Variants in MARK3 observed in about 807,000 individuals in gnomAD.
MARK3 encodes microtubule affinity regulating kinase 3.
A neutral mutation model predicts 90.1 loss-of-function variants in MARK3; 46 were observed. That is an observed-to-expected ratio of 0.51 (90% CI 0.40 to 0.65). The LOEUF (loss-of-function observed/expected upper bound fraction) is 0.65. Ranked by LOEUF, MARK3 falls within the 30% of genes least tolerant of loss-of-function variation. The pLI, the probability that MARK3 is intolerant of heterozygous loss-of-function variation, is 0.00. For synonymous variants in MARK3, 321 were observed against 332.6 expected (o/e 0.97, Z 0.38); for missense variants, 818 against 947.2 (o/e 0.86, Z 1.79).
At chr14:103,493,240 C>CTTTTTTTTTTTTTTTTTTTTT (rs11437791) in intron 15 of MARK3, among the ~76,000 whole-genome samples, 1 of 123,160 alleles carries the variant, frequency 8.1e-6, no homozygotes, top group African/African-American at 3.0e-5. Flanking sequence ...GGGAGTATTC[C>CTTTTTTTTTTTTTTTTTTTTT]TTTTTTTTTT....
Position 103,453,268 on chromosome 14 carries a change from G to A in MARK3, c.412+1285G>A, listed in dbSNP as rs140095429. Reference sequence around the variant, plus strand: ...GTCTGTGAAGGGCAGAAGCTTTCTTGTTCATCTTTTTGTGTCCCCTGCCTC... The same window carrying A: ...GTCTGTGAAGGGCAGAAGCTTTCTTATTCATCTTTTTGTGTCCCCTGCCTC... On this transcript the variant is annotated intron_variant, in intron 5 of 17. Coordinates refer to ENST00000429436, the MANE Select transcript of MARK3 (RefSeq NM_001128918.3). 2.9e-3 allele frequency among the ~76,000 whole-genome samples: 436 copies of A among 152,268 alleles called. 2 individuals carry two copies. Among genetic ancestry groups the A allele is most frequent in the African/African-American group, 9.5e-3 (393 of 41,550 alleles).
intron 3 of MARK3, among the ~76,000 whole-genome samples, chr14:103,446,188 C>T (rs1048103606): frequency 1.3e-5 from 2 of 152,098 alleles, no homozygotes; most frequent in African/African-American, 4.8e-5. Context: ...GAGAATCTGC[C>T]TGAGACTTAA....
chr14:103,465,445 TAGG>T (rs745667879), intron 7 of MARK3, 109 bp from the exon 8 acceptor site: 27 of 678,846 alleles, frequency 4.0e-5, no homozygotes, highest in Admixed American at 1.0e-4. Context: ...TCACATTAAT[TAGG>T]AGGTAACTTC....
intron 7 of MARK3, among the ~76,000 whole-genome samples, chr14:103,462,861 C>T (rs938082688): frequency 6.6e-6 from 1 of 152,174 alleles, no homozygotes; most frequent in African/African-American, 2.4e-5. Flanking sequence ...CCTCTGCCCT[C>T]ACTCTGGCAT....
chr14:103,498,552 AT>A, intron 16 of MARK3, 24 bp downstream of exon 16: 1 of 1,335,590 alleles, frequency 7.5e-7, no homozygotes. Flanking sequence ...ATACACATTT[AT>A]TTTTCAATCC....
chr14:103,439,070 C>G (rs940356417), intron 3 of MARK3, among the ~76,000 whole-genome samples: 9 of 151,196 alleles, frequency 6.0e-5, no homozygotes, highest in Non-Finnish European at 1.0e-4. Flanking sequence ...TATTACTCAG[C>G]TAAAGCTAAG....
chr14:103,401,681 T>C (rs2140610277), intron 1 of MARK3, among the ~76,000 whole-genome samples: 1 of 152,270 alleles, frequency 6.6e-6, no homozygotes, highest in Middle Eastern at 3.4e-3. Context: ...TGGCTGTCTA[T>C]GCCTAACCTC....
At chr14:103,491,240 A>T (rs1015347473) in intron 14 of MARK3, 1 of 566,406 alleles carries the variant, frequency 1.8e-6, no homozygotes, top group Admixed American at 3.8e-5. Context: ...ATTTTAGTTA[A>T]GCACATCTTT....
intron 2 of MARK3, among the ~76,000 whole-genome samples, chr14:103,418,267 G>A (rs1434992409): frequency 3.4e-5 from 1 of 29,794 alleles, no homozygotes; most frequent in African/African-American, 1.4e-4. Context: ...GTAGATTTTT[G>A]TTCCCTGCAT....
intron 1 of MARK3, among the ~76,000 whole-genome samples, chr14:103,402,763 G>A (rs1435471130): frequency 6.6e-6 from 1 of 152,102 alleles, no homozygotes; most frequent in African/African-American, 2.4e-5. Flanking sequence ...GTGGTCTTCA[G>A]TATGTATGAA....
rs1038492703 is a variant in MARK3 at position 103,491,827 on chromosome 14, G to A, written c.1637G>A (p.Ser546Asn). ...TPVASTHSISSAATPDRIRFP... is the reference protein window; with the variant it reads ...TPVASTHSISNAATPDRIRFP... ...GTTGCTTCAACACACAGTATCAGTA[G>A]TGCAGCCACCCCAGATCGAATCCGC... is the stretch of plus-strand genomic sequence containing the variant. The change falls in exon 15 of 18, where the codon AGT (serine) becomes AAT (asparagine). Residue 546 changes from serine to asparagine, a missense_variant. By Grantham distance (46) the Ser-to-Asn change is conservative. This residue lies in a region of MARK3 where 560 missense variants were observed against 613.5 expected (regional missense o/e 0.91). Coordinates refer to ENST00000429436, the MANE Select transcript of MARK3 (RefSeq NM_001128918.3). 2 of 1,614,030 alleles carry A rather than the reference G, an allele frequency of 1.2e-6. No homozygotes were observed. Among genetic ancestry groups the A allele is most frequent in the African/African-American group, 1.3e-5 (1 of 74,900 alleles).
intron 14 of MARK3, 55 bp downstream of exon 14, chr14:103,480,545 G>T: frequency 9.6e-7 from 1 of 1,046,596 alleles, no homozygotes; most frequent in Non-Finnish European, 1.5e-6. Context: ...AGAAATGGAA[G>T]CATGTTATTT....
At chr14:103,496,186 A>G (rs1404100224) in intron 15 of MARK3, among the ~76,000 whole-genome samples, 1 of 152,236 alleles carries the variant, frequency 6.6e-6, no homozygotes, top group South Asian at 2.1e-4. Context: ...CTCCTCCTGC[A>G]GCTGCCTCCT....
intron 2 of MARK3, among the ~76,000 whole-genome samples, chr14:103,425,564 T>TCC (rs1237954851): frequency 1.3e-5 from 2 of 152,202 alleles, no homozygotes; most frequent in Non-Finnish European, 2.9e-5. Context: ...GACAACTCAG[T>TCC]ATTTATTGAG....
chr14:103,499,069 A>T (rs2075505240), intron 16 of MARK3: 1 of 152,268 alleles, frequency 6.6e-6, no homozygotes, highest in South Asian at 2.1e-4. Flanking sequence ...GCGTAGCAGA[A>T]ATGTTTTAAT....
chr14:103,402,184 G>T (rs1355128344), intron 1 of MARK3, among the ~76,000 whole-genome samples: 2 of 152,310 alleles, frequency 1.3e-5, no homozygotes, highest in South Asian at 4.1e-4. Flanking sequence ...TGGAAGAAGC[G>T]CTAAGGAGTT....
At chr14:103,440,820 G>A (rs1595690578) in intron 3 of MARK3, among the ~76,000 whole-genome samples, 1 of 148,738 alleles carries the variant, frequency 6.7e-6, no homozygotes, top group Admixed American at 6.7e-5. Flanking sequence ...GCACATAGCT[G>A]TGGTCTCAGA....
At chr14:103,400,744 ACAT>A (rs2090902566) in intron 1 of MARK3, among the ~76,000 whole-genome samples, 1 of 151,842 alleles carries the variant, frequency 6.6e-6, no homozygotes, top group Non-Finnish European at 1.5e-5. Flanking sequence ...AAAAATTAAA[ACAT>A]CAGCCATGTG....
intron 4 of MARK3, 63 bp downstream of exon 4, chr14:103,449,030 C>A: frequency 6.9e-7 from 1 of 1,447,388 alleles, no homozygotes; most frequent in Non-Finnish European, 9.5e-7. Context: ...TGTCATAAAG[C>A]TAAACACGTA....
Sources: allele counts gnomAD v4.1 joint callset (sites outside exome capture counted in the v4.1 genomes callset), GRCh38; gene constraint gnomAD v4.1.1; regional missense constraint gnomAD v4.1.1; transcripts MANE v1.5; gene names NCBI Gene and HGNC (gene_info 2026-07-23, HGNC 2026-07-21).